The following CMIP variants were observed in gnomAD, a reference collection of about 807,000 sequenced individuals.
CMIP encodes C-Maf-inducing protein.
Under a neutral mutation model 97.3 loss-of-function variants are expected in CMIP, and 13 were observed. The observed-to-expected ratio is 0.13, with a 90% CI of 0.09 to 0.21. The LOEUF (loss-of-function observed/expected upper bound fraction) is 0.21. Ranked by LOEUF, CMIP falls within the 10% of genes least tolerant of loss-of-function variation. The pLI, the probability that CMIP is intolerant of heterozygous loss-of-function variation, is 1.00. For synonymous variants in CMIP, 538 were observed against 436.3 expected, an observed-to-expected ratio of 1.23 and a Z score of -2.91; for missense variants, 847 against 1,024.9, an observed-to-expected ratio of 0.83 and a Z score of 2.37.
At chr16:81,547,343 T>C (rs564179172) in intron 1 of CMIP, among the ~76,000 whole-genome samples, 9 of 152,260 alleles carry the variant, frequency 5.9e-5, no homozygotes, top group African/African-American at 2.2e-4. Context: ...ACAGACCAGC[T>C]CCTGCAGATG....
chr16:81,627,748 G>A lies in CMIP; in HGVS notation c.477+6822G>A, dbSNP rs186458077. The stretch of plus-strand genomic sequence containing the variant: ...ATAAAGGATGAGGATAAAGGACCGT[G>A]CCAAAGCCAGATGCCTCCCAGCGAG... On this transcript the variant is annotated intron_variant, in intron 3 of 20. Transcript: ENST00000537098. The surrounding 1 kb of genome is among the most constrained non-coding windows in gnomAD (Gnocchi z 4.6). 1.8e-3 allele frequency among the ~76,000 whole-genome samples: 267 copies of A among 152,266 alleles called. 1 individual carries two copies. The highest frequency in any genetic ancestry group is 6.3e-3 in the African/African-American group (260 of 41,534).
Position 81,702,769 on chromosome 16 carries a change from A to T in CMIP, c.1944+100A>T, listed in dbSNP as rs986401973. 4.0e-5 allele frequency: 43 copies of T among 1,072,990 alleles called. No individual in the cohort carries two copies. In the African/African-American group the frequency reaches 6.2e-4, roughly 16 times the overall value. 66.5% of individuals were successfully genotyped at this position (1,072,990 alleles called of 1,614,324 possible). A position where few individuals can be genotyped will look rare whatever the true frequency, so the allele number is the denominator to read the frequency against. On this transcript the variant is annotated intron_variant, in intron 17 of 20. Coordinates refer to ENST00000537098, the MANE Select transcript of CMIP (RefSeq NM_198390.3). ...GTGTCTGCTGCTGAGATGGGAGGTGATGGAGGGCGGGGCACAAGGACCCCC... is the reference window on the plus strand; with the variant it reads ...GTGTCTGCTGCTGAGATGGGAGGTGTTGGAGGGCGGGGCACAAGGACCCCC...
chr16:81,602,202 C>T (rs538881077), intron 1 of CMIP, among the ~76,000 whole-genome samples: 66 of 152,196 alleles, frequency 4.3e-4, no homozygotes, highest in African/African-American at 1.5e-3. Flanking sequence ...AGTGAGAGTT[C>T]TGGAGCTTGC....
intron 1 of CMIP, among the ~76,000 whole-genome samples, chr16:81,473,709 G>GGGGGACGC (rs1907701367): frequency 6.6e-6 from 1 of 151,960 alleles, no homozygotes; most frequent in South Asian, 2.1e-4. Flanking sequence ...GCCTGCCTTT[G>GGGGGACGC]GGGGACGCGG....
At chr16:81,674,346 T>C (rs1282267645) in intron 9 of CMIP, among the ~76,000 whole-genome samples, 1 of 152,208 alleles carries the variant, frequency 6.6e-6, no homozygotes, top group Admixed American at 6.5e-5. Flanking sequence ...TTAGCCAGGA[T>C]GGTCTTGATC....
chr16:81,501,530 TG>T (rs1344230345), intron 1 of CMIP, among the ~76,000 whole-genome samples: 2 of 146,200 alleles, frequency 1.4e-5, no homozygotes, highest in Non-Finnish European at 3.0e-5. Flanking sequence ...ATGCGGTAGC[TG>T]GGGGTGGAGT....
At chr16:81,665,935 C>T (rs528185745) in intron 7 of CMIP, 1 of 152,284 alleles carries the variant, frequency 6.6e-6, no homozygotes, top group East Asian at 1.9e-4. Context: ...CATTCTCTAC[C>T]CTAAGCGATT....
intron 1 of CMIP, among the ~76,000 whole-genome samples, chr16:81,458,727 G>C (rs1003517139): frequency 3.3e-5 from 5 of 152,158 alleles, no homozygotes; most frequent in Admixed American, 6.5e-5. Flanking sequence ...GGCTGGCCAG[G>C]CTTTTTGATC....
chr16:81,670,770 T>C (rs1445494660), intron 8 of CMIP, among the ~76,000 whole-genome samples: 1 of 152,148 alleles, frequency 6.6e-6, no homozygotes, highest in East Asian at 1.9e-4. Flanking sequence ...ACATGGAGAA[T>C]GCTGCGGAAG....
intron 1 of CMIP, among the ~76,000 whole-genome samples, chr16:81,500,345 C>CCCTCTCTCCTTTCCTCCCTT (rs200997027): frequency 2.3e-4 from 23 of 101,152 alleles, no homozygotes; most frequent in Admixed American, 1.4e-3. Context: ...CTCCCTCCCT[C>CCCTCTCTCCTTTCCTCCCTT]CCTCTCTCCT....
intron 1 of CMIP, among the ~76,000 whole-genome samples, chr16:81,561,778 T>G (rs566276232): frequency 1.3e-5 from 2 of 152,346 alleles, no homozygotes; most frequent in African/African-American, 4.8e-5. Flanking sequence ...CATTGGAATT[T>G]AAATTAATTG....
At chr16:81,656,093 T>C (rs535108461) in intron 4 of CMIP, among the ~76,000 whole-genome samples, 1 of 152,326 alleles carries the variant, frequency 6.6e-6, no homozygotes, top group Admixed American at 6.5e-5. Flanking sequence ...AAACATCCTT[T>C]CACATGCCTG....
At chr16:81,593,634 G>A (rs1039837119) in intron 1 of CMIP, among the ~76,000 whole-genome samples, 1 of 152,096 alleles carries the variant, frequency 6.6e-6, no homozygotes, top group African/African-American at 2.4e-5. Context: ...GAAAGTAATC[G>A]CCTCCGTGTA....
At chr16:81,597,449 T>C (rs1171529660) in intron 1 of CMIP, among the ~76,000 whole-genome samples, 1 of 152,130 alleles carries the variant, frequency 6.6e-6, no homozygotes, top group African/African-American at 2.4e-5. Flanking sequence ...CTGTGTGCGG[T>C]TGGTCAAGTT....
intron 3 of CMIP, among the ~76,000 whole-genome samples, chr16:81,643,310 T>C (rs181291769): frequency 2.0e-3 from 298 of 152,336 alleles, no homozygotes; most frequent in Non-Finnish European, 3.0e-3. Context: ...TCCATTTATA[T>C]GCAATGTTCA....
chr16:81,614,680 A>ATG lies in CMIP; in HGVS notation c.427-6180_427-6179dup, dbSNP rs143871815. Among the ~76,000 whole-genome samples the ATG allele has an allele frequency of 0.12, 17,422 of 149,678 alleles. 1,034 individuals are homozygous for ATG. Among genetic ancestry groups the ATG allele is most frequent in the East Asian group, 0.21 (1,060 of 5,048 alleles). On this transcript the variant is annotated intron_variant, in intron 2 of 20. Coordinates refer to ENST00000537098, the MANE Select transcript of CMIP (RefSeq NM_198390.3). This position sits in a 1 kb window ranked among gnomAD's most constrained non-coding sequence, Gnocchi z 5.3. ...GTGTGTATGTATGTCTGTATGGTTT[A>ATG]TGTGTGTGTGTGTGTGTATGGTATG...
intron 10 of CMIP, among the ~76,000 whole-genome samples, chr16:81,685,580 T>C (rs1567661803): frequency 6.6e-6 from 1 of 152,074 alleles, no homozygotes; most frequent in Non-Finnish European, 1.5e-5. Flanking sequence ...TGAGATACTC[T>C]GTCACCGAGG....
intron 3 of CMIP, among the ~76,000 whole-genome samples, chr16:81,632,343 G>A (rs1039812593): frequency 1.3e-5 from 2 of 152,208 alleles, no homozygotes; most frequent in East Asian, 3.9e-4. Context: ...GTTAGCAGCT[G>A]CACGGGGCTT....
At chr16:81,657,988 C>G (rs1305928304) in intron 5 of CMIP, among the ~76,000 whole-genome samples, 172 bp downstream of exon 5, 1 of 152,184 alleles carries the variant, frequency 6.6e-6, no homozygotes, top group Non-Finnish European at 1.5e-5. Flanking sequence ...TTGCATATTT[C>G]AGAGCCCCAG....
Sources: gnomAD v4.1 joint callset for allele counts (sites outside exome capture counted in the v4.1 genomes callset) on GRCh38, gnomAD v4.1.1 for gene constraint, Gnocchi (gnomAD v3.1) non-coding constraint, MANE v1.5 for transcripts, NCBI Gene and HGNC (gene_info 2026-07-23, HGNC 2026-07-21) for gene names.